ODAD2: variants seen among roughly 807,000 people sequenced by gnomAD.
The protein encoded by ODAD2 is outer dynein arm docking complex subunit 2, also known as outer dynein arm-docking complex subunit 2.
ODAD2 carries 89 observed loss-of-function variants against 106.8 expected under a neutral mutation model. That is an observed-to-expected ratio of 0.83 (90% CI 0.70 to 0.99). The LOEUF (loss-of-function observed/expected upper bound fraction) is 0.99, where lower values mean the gene tolerates loss of function less well. Among genes scored for constraint, ODAD2 ranks in the 50% least tolerant of loss-of-function variants. ODAD2 has a pLI of 0.00. For synonymous variants in ODAD2, 404 were observed against 436.2 expected (o/e 0.93, Z 0.92); for missense variants, 1,168 against 1,238.5 (o/e 0.94, Z 0.85).
At position 27,862,458 on chromosome 10, in the gene ODAD2, AG is replaced by A; in HGVS notation, c.2774del (p.Pro925LeufsTer14). The A allele has an allele frequency of 6.2e-7, 1 of 1,609,630 alleles. No homozygotes were observed. The highest frequency in any genetic ancestry group is 8.5e-7 in the Non-Finnish European group (1 of 1,178,476). The stretch of plus-strand genomic sequence containing the variant: ...CTGTATTTGCCAGTTTGGACAATAA[AG>A]GAACAACTCCATGATCTGTGATAAC... Reference protein sequence around the residue: ...LAVITDHGVVPLLSKLANTNN... With the variant: ...LAVITDHGVVXLLSKLANTNN... On this transcript the variant is annotated frameshift_variant, in exon 18 of 20. Coordinates refer to ENST00000305242, the MANE Select transcript of ODAD2 (RefSeq NM_018076.5). LOFTEE classifies it high-confidence loss of function.
At position 27,837,826 on chromosome 10, in the gene ODAD2, T is replaced by C. The variant is rs545728304; in HGVS notation, c.3021+22799A>G. On this transcript the variant is annotated intron_variant, in intron 19 of 19. Coordinates refer to ENST00000305242, the MANE Select transcript of ODAD2 (RefSeq NM_018076.5). ...ACTTGTCAACCATAAGGATAAGCCATTGTGGTCCATCACTCCTAAAGACAA... is the reference window on the plus strand; with the variant it reads ...ACTTGTCAACCATAAGGATAAGCCACTGTGGTCCATCACTCCTAAAGACAA... 2.6e-5 allele frequency among the ~76,000 whole-genome samples: 4 copies of C among 152,314 alleles called. No homozygotes were observed. The South Asian group carries it at 8.3e-4, about 32-fold the overall frequency.
Position 27,846,280 on chromosome 10 carries a change from C to T in ODAD2, c.3021+14345G>A, listed in dbSNP as rs373464599. On this transcript the variant is annotated intron_variant, in intron 19 of 19. Transcript: ENST00000305242. ...CAGGATTAAGAAACTCACTCAAAAC[C>T]GCTCAACTACATGGAAACTGAACAA... Among the ~76,000 whole-genome samples, 191 of 151,948 alleles carry T rather than the reference C, an allele frequency of 1.3e-3. 2 individuals are homozygous for T. Among genetic ancestry groups the T allele is most frequent in the African/African-American group, 4.2e-3 (175 of 41,486 alleles).
At chr10:27,840,391 G>A (rs1838219390) in intron 19 of ODAD2, among the ~76,000 whole-genome samples, 1 of 152,158 alleles carries the variant, frequency 6.6e-6, no homozygotes, top group Non-Finnish European at 1.5e-5. Flanking sequence ...TCACTTTCGT[G>A]CACATCTTTT....
At chr10:27,979,578 T>C in intron 7 of ODAD2, among the ~76,000 whole-genome samples, 1 of 151,836 alleles carries the variant, frequency 6.6e-6, no homozygotes, top group East Asian at 1.9e-4. Flanking sequence ...ACACTAGCAG[T>C]GAATAATTGA....
intron 2 of ODAD2, among the ~76,000 whole-genome samples, chr10:27,992,167 G>A (rs1470594744): frequency 1.3e-5 from 2 of 152,080 alleles, no homozygotes; most frequent in African/African-American, 4.8e-5. Context: ...GGCACTCTTG[G>A]TTTTCATCAG....
chr10:27,829,788 C>A (rs1837336395), intron 19 of ODAD2, among the ~76,000 whole-genome samples: 1 of 152,080 alleles, frequency 6.6e-6, no homozygotes, highest in South Asian at 2.1e-4. Flanking sequence ...GTGAAAGAAA[C>A]TGAATGAGTT....
In ODAD2 at chr10:27,941,323, G is replaced by GA. The variant is rs10708986; in HGVS notation, c.1744-519dup. 1.6e-3 allele frequency among the ~76,000 whole-genome samples: 226 copies of GA among 139,508 alleles called. 1 individual carries two copies. The highest frequency in any genetic ancestry group is 7.2e-3 in the Middle Eastern group (2 of 276). The allele number at this position is 139,508 out of a possible 152,430, so 91.5% of individuals were successfully genotyped here. A position where few individuals can be genotyped will look rare whatever the true frequency, so the allele number is the denominator to read the frequency against. On this transcript the variant is annotated intron_variant, in intron 12 of 19. Coordinates refer to ENST00000305242, the MANE Select transcript of ODAD2 (RefSeq NM_018076.5). Reference sequence around the variant, plus strand: ...ACATAGCAAGATCCTGTTTCCACTGGAAAAAAAAAAAAAAAGCTGGATGTG... The same window carrying GA: ...ACATAGCAAGATCCTGTTTCCACTGGAAAAAAAAAAAAAAAAGCTGGATGTG...
chr10:27,886,836 A>C (rs1222064301), intron 17 of ODAD2, among the ~76,000 whole-genome samples: 1 of 152,020 alleles, frequency 6.6e-6, no homozygotes, highest in East Asian at 1.9e-4. Flanking sequence ...AGAATGGTAG[A>C]TGTAAGCTCC....
chr10:27,824,776 AT>A (rs1273385684), intron 19 of ODAD2, among the ~76,000 whole-genome samples: 1 of 152,164 alleles, frequency 6.6e-6, no homozygotes, highest in Non-Finnish European at 1.5e-5. Flanking sequence ...GAGATTGAAA[AT>A]CTGTTGGCTG....
chr10:27,877,973 T>G (rs1158596977), intron 17 of ODAD2, among the ~76,000 whole-genome samples: 1 of 152,232 alleles, frequency 6.6e-6, no homozygotes, highest in Non-Finnish European at 1.5e-5. Flanking sequence ...ACTTAGCTTT[T>G]CTGAAATCTT....
At chr10:27,935,375 G>A in intron 15 of ODAD2, 123 bp from the exon 16 acceptor site, 1 of 1,273,598 alleles carries the variant, frequency 7.9e-7, no homozygotes, top group Non-Finnish European at 1.1e-6. Context: ...CCCATTACTG[G>A]ATGGTTAATC....
intron 10 of ODAD2, among the ~76,000 whole-genome samples, chr10:27,959,384 C>T (rs12767652): frequency 0.37 from 56,519 of 151,070 alleles, 11,845 homozygotes; most frequent in Middle Eastern, 0.59. Context: ...TTCTTTTTTT[C>T]TTTCCCCCAG....
rs544429193 is a variant in ODAD2 at position 27,823,867 on chromosome 10, G to A, written c.3022-11242C>T. 1.6e-4 allele frequency among the ~76,000 whole-genome samples: 19 copies of A among 116,410 alleles called. 3 individuals are homozygous for A. The South Asian group carries it at 2.3e-3, about 14-fold the overall frequency. 76.4% of individuals were successfully genotyped at this position (116,410 alleles called of 152,430 possible). ...TTCATAAAAATAGTTCAGGCCGGGCGCGGTGGCTCACGCCTGTAATCCCAG... is the reference window on the plus strand; with the variant it reads ...TTCATAAAAATAGTTCAGGCCGGGCACGGTGGCTCACGCCTGTAATCCCAG... On this transcript the variant is annotated intron_variant, in intron 19 of 19. Transcript: ENST00000305242.
intron 7 of ODAD2, among the ~76,000 whole-genome samples, chr10:27,976,502 A>G (rs1196004283): frequency 6.6e-6 from 1 of 152,174 alleles, no homozygotes; most frequent in East Asian, 1.9e-4. Context: ...CTCATTAACA[A>G]TAGCCCCAAA....
At chr10:27,927,859 T>G (rs112486182) in intron 16 of ODAD2, among the ~76,000 whole-genome samples, 2 of 152,260 alleles carry the variant, frequency 1.3e-5, no homozygotes, top group African/African-American at 4.8e-5. Flanking sequence ...GTTTTTGTCT[T>G]TCTTTCTTCA....
intron 19 of ODAD2, among the ~76,000 whole-genome samples, chr10:27,835,067 A>C (rs1385476379): frequency 6.6e-6 from 1 of 152,170 alleles, no homozygotes; most frequent in Non-Finnish European, 1.5e-5. Context: ...ACTTGTAGAC[A>C]TCGCGTGGCC....
chr10:27,857,023 A>T (rs898824745), intron 19 of ODAD2, among the ~76,000 whole-genome samples: 12 of 152,326 alleles, frequency 7.9e-5, no homozygotes, highest in African/African-American at 2.9e-4. Flanking sequence ...TATATTGATT[A>T]TATGTTGAAA....
intron 19 of ODAD2, among the ~76,000 whole-genome samples, chr10:27,818,360 C>T (rs1836303141): frequency 6.6e-6 from 1 of 152,014 alleles, no homozygotes; most frequent in African/African-American, 2.4e-5. Flanking sequence ...TTTCTCACTC[C>T]TTCTCCCAAG....
chr10:27,858,354 G>A (rs1839803454), intron 19 of ODAD2, among the ~76,000 whole-genome samples: 1 of 152,116 alleles, frequency 6.6e-6, no homozygotes, highest in Non-Finnish European at 1.5e-5. Flanking sequence ...ATTTCTGCTG[G>A]TAACACAGCA....
Sources: gnomAD v4.1 joint callset for allele counts (sites outside exome capture counted in the v4.1 genomes callset) on GRCh38, gnomAD v4.1.1 for gene constraint, MANE v1.5 for transcripts, NCBI Gene and HGNC (gene_info 2026-07-23, HGNC 2026-07-21) for gene names.